KALRN: variants seen among roughly 807,000 people sequenced by gnomAD.
KALRN encodes the protein kalirin RhoGEF kinase.
A neutral mutation model predicts 353.7 loss-of-function variants in KALRN; 70 were observed. The observed-to-expected ratio is 0.20, with a 90% CI of 0.16 to 0.24. The LOEUF (loss-of-function observed/expected upper bound fraction) is 0.24, where lower values mean the gene tolerates loss of function less well. KALRN is among the 10% of genes least tolerant of loss of function. The pLI is 1.00. For synonymous variants in KALRN, 1,391 were observed against 1,434.8 expected (o/e 0.97, Z 0.69); for missense variants, 2,791 against 3,756.7 (o/e 0.74, Z 6.72).
chr3:124,330,861 C>A (rs1354935117), intron 8 of KALRN, among the ~76,000 whole-genome samples: 1 of 152,156 alleles, frequency 6.6e-6, no homozygotes, highest in African/African-American at 2.4e-5. Context: ...ATCGGACTCA[C>A]CTGATACAGA....
intron 5 of KALRN, among the ~76,000 whole-genome samples, chr3:124,289,064 G>A (rs748919478): frequency 1.4e-4 from 21 of 152,294 alleles, no homozygotes; most frequent in South Asian, 4.1e-4. Context: ...ATAGCATCCT[G>A]TGAGGATCTA....
At chr3:124,094,808 A>G in intron 1 of KALRN, 2 of 1,603,982 alleles carry the variant, frequency 1.2e-6, no homozygotes, top group Non-Finnish European at 1.7e-6. Context: ...TGCCGAGGGG[A>G]CTGGCTGTGA....
At chr3:124,374,888 C>G (rs2086367857) in intron 10 of KALRN, among the ~76,000 whole-genome samples, 1 of 152,196 alleles carries the variant, frequency 6.6e-6, no homozygotes, top group Non-Finnish European at 1.5e-5. Context: ...TTATTCTGTT[C>G]CATGGGGATG....
At chr3:124,406,998 T>G (rs1334047802) in intron 13 of KALRN, among the ~76,000 whole-genome samples, 1 of 151,938 alleles carries the variant, frequency 6.6e-6, no homozygotes, top group Non-Finnish European at 1.5e-5. Flanking sequence ...CACGCCCAGC[T>G]AATTTTTGTA....
chr3:124,612,240 A>G (rs2078072697), intron 34 of KALRN, among the ~76,000 whole-genome samples: 1 of 149,850 alleles, frequency 6.7e-6, no homozygotes, highest in African/African-American at 2.5e-5. Context: ...TTTTGCTCTT[A>G]TTACCCAGGC....
intron 1 of KALRN, among the ~76,000 whole-genome samples, chr3:124,167,632 C>T (rs1277809062): frequency 1.3e-5 from 2 of 152,178 alleles, no homozygotes; most frequent in Non-Finnish European, 2.9e-5. Flanking sequence ...GCACAGATAA[C>T]AGGTATTCTC....
At chr3:124,050,706 G>A (rs2149143111) in intron 1 of KALRN, among the ~76,000 whole-genome samples, 1 of 152,230 alleles carries the variant, frequency 6.6e-6, no homozygotes, top group East Asian at 1.9e-4. Flanking sequence ...CCTTATGGCA[G>A]GGATCTCCCC....
chr3:124,659,860 A>T (rs948577152), intron 43 of KALRN, among the ~76,000 whole-genome samples: 2 of 148,748 alleles, frequency 1.3e-5, no homozygotes, highest in Non-Finnish European at 3.0e-5. Context: ...TTGATTTTAT[A>T]TATATATAAA....
chr3:124,578,254 G>C (rs1379269680), intron 34 of KALRN, among the ~76,000 whole-genome samples: 1 of 152,190 alleles, frequency 6.6e-6, no homozygotes. Context: ...ATTAGTACTT[G>C]GAAAGAATCT....
chr3:124,591,664 C>T (rs932086164), intron 34 of KALRN, among the ~76,000 whole-genome samples: 2 of 152,086 alleles, frequency 1.3e-5, no homozygotes, highest in African/African-American at 4.8e-5. Context: ...AGCATAATGC[C>T]AGGCATATAA....
chr3:124,146,052 G>A (rs552675739), intron 1 of KALRN, among the ~76,000 whole-genome samples: 154 of 152,324 alleles, frequency 1.0e-3, no homozygotes, highest in Admixed American at 3.6e-3. Flanking sequence ...ATCTGGTTCT[G>A]AGCACAGTGG....
chr3:124,424,967 C>G lies in KALRN; in HGVS notation c.2709+1989C>G, dbSNP rs2092950008. ...AGGTCCTACAGTTTGCCTCTGCTGG[C>G]CCCCACTCTTGCCATGTGGTCCCAG... is the stretch of plus-strand genomic sequence containing the variant. On this transcript the variant is annotated intron_variant, in intron 15 of 59. Coordinates refer to ENST00000682506, the MANE Select transcript of KALRN (RefSeq NM_001388419.1). Among the ~76,000 whole-genome samples the G allele has an allele frequency of 2.0e-5, 3 of 152,132 alleles. No individual in the cohort carries two copies. In the South Asian group the frequency reaches 6.2e-4, roughly 32 times the overall value.
At chr3:124,094,877 C>T in intron 1 of KALRN, 1 of 1,614,104 alleles carries the variant, frequency 6.2e-7, no homozygotes, top group Non-Finnish European at 8.5e-7. Context: ...TCTCTGGTAT[C>T]TCCGCTTGCT....
chr3:124,211,114 G>A (rs1056277685), intron 1 of KALRN, among the ~76,000 whole-genome samples: 4 of 152,190 alleles, frequency 2.6e-5, no homozygotes, highest in Non-Finnish European at 4.4e-5. Context: ...GAGCCCAGTG[G>A]CAAATCAATC....
chr3:124,398,809 G>A lies in KALRN; in HGVS notation c.2284G>A (p.Glu762Lys), dbSNP rs780999875. Residue 762 changes from glutamate (E) to lysine (K), a missense_variant, in exon 13 of 60, where the codon GAG (glutamate) becomes AAG (lysine). Glu to Lys is a moderately conservative substitution (Grantham distance 56). Around this residue, in one of 11 missense-constraint regions of KALRN, gnomAD observed 452 missense variants for 575.8 expected, o/e 0.78. Coordinates refer to ENST00000682506, the MANE Select transcript of KALRN (RefSeq NM_001388419.1). ...GGTGCAGATGGAGGAGCTGTTCCAC[G>A]AGCGGAAGATCAAGCTGGACATCTT... ...AQVQMEELFHERKIKLDIFLQ... is the reference protein window; with the variant it reads ...AQVQMEELFHKRKIKLDIFLQ... 1.9e-6 allele frequency: 3 copies of A among 1,613,996 alleles called. No homozygotes were observed. The highest frequency in any genetic ancestry group is 1.3e-5 in the African/African-American group (1 of 74,898).
intron 29 of KALRN, among the ~76,000 whole-genome samples, chr3:124,489,093 G>T (rs1276102441): frequency 1.3e-5 from 2 of 152,144 alleles, no homozygotes; most frequent in African/African-American, 4.8e-5. Context: ...GATCACCTGA[G>T]GTCAGGAGTT....
At chr3:124,309,119 C>T (rs761083630) in intron 6 of KALRN, among the ~76,000 whole-genome samples, 2 of 152,034 alleles carry the variant, frequency 1.3e-5, no homozygotes, top group Non-Finnish European at 2.9e-5. Context: ...TCTGAATAGA[C>T]CAATAGCAAG....
intron 29 of KALRN, among the ~76,000 whole-genome samples, 188 bp from the exon 30 acceptor site, chr3:124,490,506 T>C (rs1433625814): frequency 1.3e-5 from 2 of 151,930 alleles, no homozygotes; most frequent in African/African-American, 4.8e-5. Context: ...GCAGGAGAGA[T>C]CTAATTGCAA....
intron 34 of KALRN, among the ~76,000 whole-genome samples, chr3:124,572,881 T>A (rs151207701): frequency 2.5e-3 from 381 of 150,886 alleles, no homozygotes; most frequent in Non-Finnish European, 4.5e-3. Flanking sequence ...CTAGGAAAAA[T>A]TTTTAAAAAG....
Sources: allele counts gnomAD v4.1 joint callset (sites outside exome capture counted in the v4.1 genomes callset), GRCh38; gene constraint gnomAD v4.1.1; regional missense constraint gnomAD v4.1.1; transcripts MANE v1.5; gene names NCBI Gene and HGNC (gene_info 2026-07-23, HGNC 2026-07-21).